The following MMS22L variants were observed in gnomAD, a reference collection of about 807,000 sequenced individuals.
MMS22L encodes MMS22 like, DNA repair protein, also known as protein MMS22-like.
MMS22L carries 74 observed loss-of-function variants against 159.1 expected under a neutral mutation model. That is an observed-to-expected ratio of 0.47 (90% CI 0.39 to 0.56). The LOEUF is 0.56. Ranked by LOEUF, MMS22L falls within the 20% of genes least tolerant of loss-of-function variation. The probability of loss-of-function intolerance (pLI) is 0.00; values close to 1 mark genes in which losing one functional copy is unlikely to be tolerated. For synonymous variants in MMS22L, 517 were observed against 506.9 expected (o/e 1.02, Z -0.27); for missense variants, 1,351 against 1,422.1 (o/e 0.95, Z 0.80).
chr6:97,162,469 GTTTT>G (rs898067267), intron 21 of MMS22L, among the ~76,000 whole-genome samples: 1 of 148,644 alleles, frequency 6.7e-6, no homozygotes, highest in East Asian at 2.0e-4. Flanking sequence ...TAATTTGCAG[GTTTT>G]TTTTTTCCCT....
chr6:97,161,932 A>G (rs1802483028), intron 22 of MMS22L, 70 bp downstream of exon 22: 1 of 1,452,082 alleles, frequency 6.9e-7, no homozygotes, highest in African/African-American at 1.4e-5. Context: ...TATCCATTAA[A>G]TTGAGGGGAA....
intron 14 of MMS22L, among the ~76,000 whole-genome samples, chr6:97,208,948 G>T (rs1052328870): frequency 1.3e-5 from 2 of 151,806 alleles, no homozygotes; most frequent in Non-Finnish European, 1.5e-5. Context: ...TCCTGTTTTA[G>T]CATTTTTTTC....
At chr6:97,201,462 C>A (rs1807156173) in intron 14 of MMS22L, among the ~76,000 whole-genome samples, 2 of 152,190 alleles carry the variant, frequency 1.3e-5, no homozygotes, top group Non-Finnish European at 2.9e-5. Context: ...GTATCATCAT[C>A]ATCTCTGAAA....
intron 14 of MMS22L, among the ~76,000 whole-genome samples, chr6:97,212,407 A>T (rs139276187): frequency 6.6e-6 from 1 of 152,206 alleles, no homozygotes; most frequent in Admixed American, 6.5e-5. Context: ...TGGAATACCT[A>T]TCATTGTACT....
chr6:97,255,813 C>A (rs970214533), intron 9 of MMS22L, among the ~76,000 whole-genome samples: 1 of 152,038 alleles, frequency 6.6e-6, no homozygotes, highest in Non-Finnish European at 1.5e-5. Context: ...CGGTTAACAC[C>A]ATGTTATTAG....
At chr6:97,283,959 A>G (rs1469495405), upstream of MMS22L, among the ~76,000 whole-genome samples, 1 of 152,224 alleles carries the variant, frequency 6.6e-6, no homozygotes, top group Non-Finnish European at 1.5e-5. Flanking sequence ...ATCAGGAAAA[A>G]TCACAGGAAA....
intron 14 of MMS22L, among the ~76,000 whole-genome samples, chr6:97,205,763 C>T (rs2127917977): frequency 6.6e-6 from 1 of 152,334 alleles, no homozygotes; most frequent in East Asian, 1.9e-4. Context: ...CTGACCCAAT[C>T]ATTTCCAAGC....
chr6:97,278,333 G>A (rs995437892), intron 4 of MMS22L, among the ~76,000 whole-genome samples: 1 of 151,196 alleles, frequency 6.6e-6, no homozygotes, highest in African/African-American at 2.4e-5. Flanking sequence ...AACCCGGGGG[G>A]CAGAGGTTAC....
chr6:97,254,326 C>G (rs1457183790), intron 10 of MMS22L: 1 of 409,976 alleles, frequency 2.4e-6, no homozygotes, highest in Non-Finnish European at 4.3e-6. Flanking sequence ...TGTTCAGTAG[C>G]AGGGCCAGGA....
At chr6:97,174,276 AT>A (rs1803897040) in intron 18 of MMS22L, among the ~76,000 whole-genome samples, 1 of 151,720 alleles carries the variant, frequency 6.6e-6, no homozygotes, top group African/African-American at 2.4e-5. Flanking sequence ...AAAAAAAAAA[AT>A]AAAAAGAAAG....
intron 18 of MMS22L, among the ~76,000 whole-genome samples, chr6:97,173,819 C>G (rs1367401820): frequency 1.3e-5 from 2 of 151,620 alleles, no homozygotes; most frequent in Non-Finnish European, 2.9e-5. Flanking sequence ...TGAGGTGAAT[C>G]AGTAAGAGAA....
chr6:97,209,877 A>G (rs932685275), intron 14 of MMS22L, among the ~76,000 whole-genome samples: 3 of 151,998 alleles, frequency 2.0e-5, no homozygotes, highest in African/African-American at 4.8e-5. Flanking sequence ...GCAGCTCTAT[A>G]TAAGCAGAAA....
chr6:97,222,804 T>A (rs1184501384), intron 14 of MMS22L, among the ~76,000 whole-genome samples: 2 of 151,522 alleles, frequency 1.3e-5, no homozygotes, highest in African/African-American at 4.9e-5. Context: ...AAAATGGAGG[T>A]TTATAATGGA....
chr6:97,283,751 C>G (rs1189208938), upstream of MMS22L: 5 of 152,200 alleles, frequency 3.3e-5, no homozygotes, highest in Non-Finnish European at 7.3e-5. Flanking sequence ...AATACACACT[C>G]CTGTCAAGTG....
At chr6:97,180,528 G>A (rs764276304) in intron 16 of MMS22L, among the ~76,000 whole-genome samples, 7 of 152,058 alleles carry the variant, frequency 4.6e-5, no homozygotes, top group Non-Finnish European at 8.8e-5. Context: ...ATCTAAAAAT[G>A]TTTTGAAATA....
intron 14 of MMS22L, among the ~76,000 whole-genome samples, chr6:97,226,246 C>G (rs1188741163): frequency 6.6e-6 from 1 of 152,022 alleles, no homozygotes; most frequent in African/African-American, 2.4e-5. Context: ...AAAAGCTGTT[C>G]AGGAAATATT....
At chr6:97,167,618 A>G (rs760515630) in intron 20 of MMS22L, among the ~76,000 whole-genome samples, 17 of 152,100 alleles carry the variant, frequency 1.1e-4, no homozygotes, top group Non-Finnish European at 2.2e-4. Flanking sequence ...CCTCCATTAC[A>G]TGGCTCCTCC....
At chr6:97,186,414 AGTTT>A (rs1232212699) in intron 15 of MMS22L, 79 bp downstream of exon 15, 16 of 1,140,574 alleles carry the variant, frequency 1.4e-5, no homozygotes, top group Middle Eastern at 2.4e-4. Flanking sequence ...GCTATACAAG[AGTTT>A]GTTACTAAGA....
At chr6:97,195,891 C>T (rs1412686628) in intron 14 of MMS22L, among the ~76,000 whole-genome samples, 2 of 152,102 alleles carry the variant, frequency 1.3e-5, no homozygotes, top group Non-Finnish European at 2.9e-5. Context: ...AAAGCCAACA[C>T]TAATTATTTC....
Sources: allele counts gnomAD v4.1 joint callset (sites outside exome capture counted in the v4.1 genomes callset), GRCh38; gene constraint gnomAD v4.1.1; transcripts MANE v1.5; gene names NCBI Gene and HGNC (gene_info 2026-07-23, HGNC 2026-07-21).